Variants in SLC22A2 observed in about 807,000 individuals in gnomAD.
SLC22A2 encodes the protein solute carrier family 22 member 2.
Under a neutral mutation model 60.5 loss-of-function variants are expected in SLC22A2, and 46 were observed. That is an observed-to-expected ratio of 0.76 (90% confidence interval 0.60 to 0.97). The LOEUF (loss-of-function observed/expected upper bound fraction) is 0.97. Among genes scored for constraint, SLC22A2 ranks in the 50% least tolerant of loss-of-function variants. SLC22A2 has a pLI of 0.00. For synonymous variants in SLC22A2, 303 were observed against 267.0 expected (o/e 1.13, Z -1.31); for missense variants, 701 against 706.6 (o/e 0.99, Z 0.09).
At chr6:160,258,283 C>A (rs1444572226) in intron 1 of SLC22A2, 61 bp downstream of exon 1, 13 of 1,526,468 alleles carry the variant, frequency 8.5e-6, no homozygotes, top group South Asian at 1.3e-5. Context: ...TCCCTGCTTG[C>A]TTCCTTGAGA....
chr6:160,237,838 A>G (rs1461768248), intron 9 of SLC22A2, among the ~76,000 whole-genome samples: 1 of 152,200 alleles, frequency 6.6e-6, no homozygotes, highest in Non-Finnish European at 1.5e-5. Flanking sequence ...ACAGGCTGCA[A>G]TAAAGAAGCT....
intron 9 of SLC22A2, among the ~76,000 whole-genome samples, chr6:160,235,820 T>C (rs981969335): frequency 2.0e-5 from 3 of 152,068 alleles, no homozygotes; most frequent in Non-Finnish European, 4.4e-5. Flanking sequence ...AGTACACTAA[T>C]GTAAAAGTGA....
At position 160,241,565 on chromosome 6, in the gene SLC22A2, A is replaced by G; in HGVS notation, c.1410T>C (p.Cys470=). Reference sequence around the variant, plus strand: ...TGCCACCAATGTCACACATTGAGGAACAGATGTGGACGCCAAGATTCCTAG... The same window carrying G: ...TGCCACCAATGTCACACATTGAGGAGCAGATGTGGACGCCAAGATTCCTAG... The part of the protein sequence containing the change: ...TFIRNLGVHI[C]SSMCDIGGII... Residue 470 remains cysteine, a synonymous_variant, in exon 9 of 11, where the codon TGT becomes TGC. Transcript: ENST00000366953. The G allele has an allele frequency of 6.2e-7, 1 of 1,612,564 alleles. No homozygotes were observed. Among genetic ancestry groups the G allele is most frequent in the Non-Finnish European group, 8.5e-7 (1 of 1,178,636 alleles).
chr6:160,225,737 A>C (rs1465834760), intron 9 of SLC22A2, among the ~76,000 whole-genome samples: 1 of 152,088 alleles, frequency 6.6e-6, no homozygotes, highest in Non-Finnish European at 1.5e-5. Context: ...TACATTGTGA[A>C]CTATAATCTA....
At chr6:160,241,251 A>G (rs1428114250) in intron 9 of SLC22A2, among the ~76,000 whole-genome samples, 2 of 152,106 alleles carry the variant, frequency 1.3e-5, no homozygotes, top group Non-Finnish European at 2.9e-5. Context: ...TAATATTATG[A>G]ATACTGAACT....
intron 10 of SLC22A2, among the ~76,000 whole-genome samples, chr6:160,218,948 G>GCATCACAATTAACAA (rs1782594265): frequency 4.5e-3 from 4 of 884 alleles, no homozygotes; most frequent in South Asian, 0.036. Flanking sequence ...AGTAGTAATA[G>GCATCACAATTAACAA]CAGCAACAGC....
At chr6:160,243,074 G>A (rs967433605) in intron 7 of SLC22A2, among the ~76,000 whole-genome samples, 3 of 152,230 alleles carry the variant, frequency 2.0e-5, no homozygotes, top group Non-Finnish European at 4.4e-5. Context: ...TTCAAACGAA[G>A]CTCCATATTG....
Position 160,250,695 on chromosome 6 carries a change from G to A in SLC22A2, c.526C>T (p.Arg176Cys), listed in dbSNP as rs762903143. 8.1e-6 allele frequency: 13 copies of A among 1,613,532 alleles called. No individual in the cohort carries two copies. Among genetic ancestry groups the A allele is most frequent in the East Asian group, 2.2e-5 (1 of 44,882 alleles). ...ACTGTAGTTAGGAGGCAGAGCTTAC[G>A]GCCAAACCTGCAGGAAGAAAAACAA... ...SIGYIADRFG[R>C]KLCLLTTVLI... The change falls in exon 3 of 11, where the codon CGT becomes TGT. Residue 176 changes from arginine (R) to cysteine (C), a missense_variant. By Grantham distance (180) the Arg-to-Cys change is radical (BLOSUM62 -3). Transcript: ENST00000366953.
Position 160,247,225 on chromosome 6 carries a change from T to C in SLC22A2, c.916A>G (p.Ile306Val). Residue 306 changes from isoleucine to valine, a missense_variant, in exon 5 of 11, where the codon ATC (isoleucine) becomes GTC (valine). Physicochemically the swap from Ile to Val is conservative, Grantham distance 29. Coordinates refer to ENST00000366953, the MANE Select transcript of SLC22A2 (RefSeq NM_003058.4). Reference sequence around the variant, plus strand: ...AGAGATTTTCCATTTTTCTTTGCGATGTGCTTAATGATTCTCATGGCTTCA... The same window carrying C: ...AGAGATTTTCCATTTTTCTTTGCGACGTGCTTAATGATTCTCATGGCTTCA... ...NAEAMRIIKH[I>V]AKKNGKSLPA... 1 of 1,613,658 alleles carries C rather than the reference T, an allele frequency of 6.2e-7. No homozygotes were observed. Among genetic ancestry groups the C allele is most frequent in the South Asian group, 1.1e-5 (1 of 91,082 alleles).
chr6:160,250,380 G>T (rs1783162575), intron 3 of SLC22A2, 168 bp downstream of exon 3: 1 of 647,142 alleles, frequency 1.5e-6, no homozygotes, highest in Admixed American at 2.5e-5. Context: ...AAGGAGGAAT[G>T]CTGAATGAGT....
At chr6:160,251,699 A>G (rs936265038) in intron 2 of SLC22A2, among the ~76,000 whole-genome samples, 9 of 152,204 alleles carry the variant, frequency 5.9e-5, no homozygotes, top group Non-Finnish European at 8.8e-5. Flanking sequence ...TTTCCACTTC[A>G]ATTGGAAGGA....
chr6:160,225,925 T>G (rs1782714339), intron 9 of SLC22A2, among the ~76,000 whole-genome samples: 1 of 152,190 alleles, frequency 6.6e-6, no homozygotes, highest in South Asian at 2.1e-4. Flanking sequence ...AAACTTAGTT[T>G]ATAGATTAAA....
Position 160,243,554 on chromosome 6 carries a change from A to G in SLC22A2, c.1279+18T>C, listed in dbSNP as rs374205285. ...CCAGGGTCTTGGAGATAAGACTCCA[A>G]CTTCACCTGAAACTTACCACCAGGT... On this transcript the variant is annotated intron_variant, in intron 7 of 10. Transcript: ENST00000366953. 3.2e-5 allele frequency: 50 copies of G among 1,583,860 alleles called. No homozygotes were observed. Among genetic ancestry groups the G allele is most frequent in the Non-Finnish European group, 4.1e-5 (47 of 1,152,704 alleles).
chr6:160,246,910 G>C (rs563499080), intron 5 of SLC22A2, among the ~76,000 whole-genome samples: 1 of 152,332 alleles, frequency 6.6e-6, no homozygotes, highest in South Asian at 2.1e-4. Flanking sequence ...ACTGGTGAAG[G>C]CTTAAGTTGC....
intron 10 of SLC22A2, chr6:160,217,953 T>C (rs765749273): frequency 3.8e-5 from 6 of 159,488 alleles, no homozygotes; most frequent in Non-Finnish European, 6.8e-5. Context: ...TTGCAAGTTT[T>C]CTCAATCATC....
chr6:160,218,895 C>A (rs1782589906), intron 10 of SLC22A2, among the ~76,000 whole-genome samples: 1 of 147,180 alleles, frequency 6.8e-6, no homozygotes, highest in Non-Finnish European at 1.5e-5. Flanking sequence ...GTAGCAACAA[C>A]AGAAGTCGCA....
At position 160,258,494 on chromosome 6, in the gene SLC22A2, C is replaced by T. The variant is rs200904655; in HGVS notation, c.264G>A (p.Gln88=). 36 of 1,614,194 alleles carry T rather than the reference C, an allele frequency of 2.2e-5. No individual in the cohort carries two copies. In the Admixed American group the frequency reaches 6.0e-4, roughly 27 times the overall value. Reference sequence around the variant, plus strand: ...TCCAGTCCACCTCGTAGCGCCTACACTGTCTTGGGGAGGCTTCGCCCGCAG... The same window carrying T: ...TCCAGTCCACCTCGTAGCGCCTACATTGTCTTGGGGAGGCTTCGCCCGCAG... ...PGPAGEASPR[Q]CRRYEVDWNQ... Residue 88 remains glutamine, a synonymous_variant, in exon 1 of 11, where the codon CAG becomes CAA. Coordinates refer to ENST00000366953, the MANE Select transcript of SLC22A2 (RefSeq NM_003058.4).
chr6:160,230,970 T>C (rs777049752), intron 9 of SLC22A2, among the ~76,000 whole-genome samples: 3 of 151,980 alleles, frequency 2.0e-5, no homozygotes, highest in African/African-American at 4.9e-5. Context: ...TGAAGACTGA[T>C]GCTGACCAAT....
At chr6:160,234,786 G>A (rs368540953) in intron 9 of SLC22A2, among the ~76,000 whole-genome samples, 32 of 152,318 alleles carry the variant, frequency 2.1e-4, no homozygotes, top group South Asian at 4.1e-4. Flanking sequence ...GAAGAACAAC[G>A]GAAACCAGCC....
Sources: allele counts gnomAD v4.1 joint callset (sites outside exome capture counted in the v4.1 genomes callset), GRCh38; gene constraint gnomAD v4.1.1; transcripts MANE v1.5; gene names NCBI Gene and HGNC (gene_info 2026-07-23, HGNC 2026-07-21).